TMEM132D: variants seen among roughly 807,000 people sequenced by gnomAD.
TMEM132D encodes the protein mature OL transmembrane protein.
Under a neutral mutation model 62.3 loss-of-function variants are expected in TMEM132D, and 21 were observed. The observed-to-expected ratio is 0.34, with a 90% CI of 0.24 to 0.49. TMEM132D has a LOEUF of 0.49. TMEM132D is among the 20% of genes least tolerant of loss of function. TMEM132D has a pLI of 0.99. For missense variants in TMEM132D, 1,346 were observed against 1,402.8 expected (o/e 0.96, Z 0.65); for synonymous variants, 621 against 575.6 (o/e 1.08, Z -1.13).
intron 4 of TMEM132D, among the ~76,000 whole-genome samples, chr12:129,254,864 A>C (rs1258558297): frequency 5.9e-5 from 9 of 152,092 alleles, no homozygotes. Context: ...TAGGCTGTCC[A>C]TATGTAGTAG....
chr12:129,304,236 C>A (rs1412363062), intron 4 of TMEM132D, among the ~76,000 whole-genome samples: 1 of 152,224 alleles, frequency 6.6e-6, no homozygotes, highest in Non-Finnish European at 1.5e-5. Flanking sequence ...TGCCTGACAA[C>A]TCTACACTTG....
At chr12:129,316,446 G>C (rs538820783) in intron 4 of TMEM132D, among the ~76,000 whole-genome samples, 1 of 152,178 alleles carries the variant, frequency 6.6e-6, no homozygotes, top group South Asian at 2.1e-4. Context: ...CCATGTATTT[G>C]CCTGGTTTAG....
At chr12:129,312,915 T>C (rs929017214) in intron 4 of TMEM132D, among the ~76,000 whole-genome samples, 2 of 152,198 alleles carry the variant, frequency 1.3e-5, no homozygotes, top group Non-Finnish European at 2.9e-5. Context: ...TGAGGTATAT[T>C]GTAAAGGTGG....
At chr12:129,166,758 C>G (rs1418928546) in intron 5 of TMEM132D, among the ~76,000 whole-genome samples, 3 of 109,848 alleles carry the variant, frequency 2.7e-5, no homozygotes, top group Non-Finnish European at 5.6e-5. Flanking sequence ...TACATACACA[C>G]ACACATATAT....
intron 4 of TMEM132D, among the ~76,000 whole-genome samples, chr12:129,333,710 C>T (rs866290552): frequency 5.9e-5 from 9 of 152,330 alleles, no homozygotes; most frequent in South Asian, 2.1e-4. Context: ...TCTCTCCAGC[C>T]TCCCTTGCAG....
intron 5 of TMEM132D, among the ~76,000 whole-genome samples, chr12:129,144,099 T>C (rs1876822338): frequency 6.6e-6 from 1 of 152,190 alleles, no homozygotes; most frequent in African/African-American, 2.4e-5. Context: ...CCCCCACTTC[T>C]AGCCCTGTGG....
chr12:129,698,899 T>C (rs1009098771), intron 2 of TMEM132D, among the ~76,000 whole-genome samples: 6 of 152,192 alleles, frequency 3.9e-5, no homozygotes, highest in Admixed American at 6.5e-5. Context: ...GGATGAAGTT[T>C]ATAAGCCCAC....
intron 8 of TMEM132D, among the ~76,000 whole-genome samples, chr12:129,077,573 CACATAT>C (rs1221930007): frequency 3.9e-5 from 6 of 151,968 alleles, no homozygotes; most frequent in South Asian, 2.1e-4. Flanking sequence ...AACACACATA[CACATAT>C]ACATGCACAC....
In TMEM132D at chr12:129,302,176, A is replaced by G. The variant is rs1881731656; in HGVS notation, c.1299+35458T>C. Among the ~76,000 whole-genome samples, 3 of 152,160 alleles carry G rather than the reference A, an allele frequency of 2.0e-5. No individual in the cohort carries two copies. In the South Asian group the frequency reaches 6.2e-4, roughly 32 times the overall value. ...TCTTGCCAGGCTGGCGTGCAATGGC[A>G]TGATCTCGGCTCACTGCAACCTCTG... is the stretch of plus-strand genomic sequence containing the variant. On this transcript the variant is annotated intron_variant, in intron 4 of 8. Transcript: ENST00000422113.
intron 4 of TMEM132D, among the ~76,000 whole-genome samples, chr12:129,245,076 G>A (rs1593309826): frequency 6.6e-6 from 1 of 152,170 alleles, no homozygotes; most frequent in Middle Eastern, 3.4e-3. Context: ...CTAATAACTA[G>A]AGTCCATAGT....
chr12:129,717,989 C>T (rs970680296), intron 1 of TMEM132D, among the ~76,000 whole-genome samples: 1 of 152,156 alleles, frequency 6.6e-6, no homozygotes, highest in Non-Finnish European at 1.5e-5. Flanking sequence ...CTAATCAACA[C>T]GAAGGTGCGT....
At chr12:129,346,138 G>T (rs1869680249) in intron 3 of TMEM132D, among the ~76,000 whole-genome samples, 1 of 152,108 alleles carries the variant, frequency 6.6e-6, no homozygotes, top group South Asian at 2.1e-4. Flanking sequence ...TCTATTCAGG[G>T]ATTCGACTTC....
intron 1 of TMEM132D, among the ~76,000 whole-genome samples, chr12:129,826,817 G>T (rs1186805959): frequency 6.6e-6 from 1 of 152,140 alleles, no homozygotes; most frequent in Non-Finnish European, 1.5e-5. Flanking sequence ...CAGGTGTGGG[G>T]AGAAGCTTCG....
chr12:129,793,388 T>C (rs1355114096), intron 1 of TMEM132D, among the ~76,000 whole-genome samples: 1 of 152,228 alleles, frequency 6.6e-6, no homozygotes, highest in Non-Finnish European at 1.5e-5. Context: ...CTATTATTTT[T>C]TGAGACAGGG....
intron 3 of TMEM132D, among the ~76,000 whole-genome samples, chr12:129,375,999 G>T (rs1240711277): frequency 6.6e-6 from 1 of 152,208 alleles, no homozygotes; most frequent in Non-Finnish European, 1.5e-5. Context: ...TTGGAAACAA[G>T]TGGTGTTAAA....
At chr12:129,174,042 G>T (rs1310644230) in intron 5 of TMEM132D, among the ~76,000 whole-genome samples, 2 of 152,102 alleles carry the variant, frequency 1.3e-5, no homozygotes, top group Admixed American at 6.6e-5. Context: ...ACGTAGCCTG[G>T]TTACATAAAT....
chr12:129,653,554 A>G (rs1390588975), intron 2 of TMEM132D, among the ~76,000 whole-genome samples: 2 of 152,240 alleles, frequency 1.3e-5, no homozygotes, highest in South Asian at 4.1e-4. Flanking sequence ...CAGCGACTTC[A>G]GCATTGGAAT....
chr12:129,393,939 A>C (rs1417165781), intron 3 of TMEM132D, among the ~76,000 whole-genome samples: 1 of 152,210 alleles, frequency 6.6e-6, no homozygotes, highest in Non-Finnish European at 1.5e-5. Flanking sequence ...CTTCTCAGAA[A>C]AGACATCCAC....
chr12:129,441,282 G>A (rs1055854499), intron 3 of TMEM132D, among the ~76,000 whole-genome samples: 2 of 152,160 alleles, frequency 1.3e-5, no homozygotes, highest in Non-Finnish European at 2.9e-5. Flanking sequence ...CATATGCAAG[G>A]AGCCTTCTCC....
Sources: allele counts gnomAD v4.1 joint callset (sites outside exome capture counted in the v4.1 genomes callset), GRCh38; gene constraint gnomAD v4.1.1; transcripts MANE v1.5; gene names NCBI Gene and HGNC (gene_info 2026-07-23, HGNC 2026-07-21).